WWOX: variants seen among roughly 807,000 people sequenced by gnomAD.
WWOX encodes the protein WW domain containing oxidoreductase.
A neutral mutation model predicts 46.2 loss-of-function variants in WWOX; 69 were observed. That is an observed-to-expected ratio of 1.49 (90% CI 1.23 to 1.82). The LOEUF (loss-of-function observed/expected upper bound fraction) is 1.82. WWOX is among the 40% of genes most tolerant of loss of function. The pLI, the probability that WWOX is intolerant of heterozygous loss-of-function variation, is 0.00. For missense variants in WWOX, 919 were observed against 542.6 expected (o/e 1.69, Z -6.89); for synonymous variants, 359 against 202.6 (o/e 1.77, Z -6.56).
At position 79,198,022 on chromosome 16, in the gene WWOX, C is replaced by G. The variant is rs74508769; in HGVS notation, c.1057-13586C>G. Reference sequence around the variant, plus strand: ...TGGTCATCTACCAAAATCTGAGGAACAAGAGCAGCTTTAGAAAATGGGCTG... The same window carrying G: ...TGGTCATCTACCAAAATCTGAGGAAGAAGAGCAGCTTTAGAAAATGGGCTG... On this transcript the variant is annotated intron_variant, in intron 8 of 8. Coordinates refer to ENST00000566780, the MANE Select transcript of WWOX (RefSeq NM_016373.4). Among the ~76,000 whole-genome samples, 4 of 152,210 alleles carry G rather than the reference C, an allele frequency of 2.6e-5. No individual in the cohort carries two copies. In the East Asian group the frequency reaches 7.7e-4, roughly 29 times the overall value.
At chr16:78,484,537 A>G (rs1381141291) in intron 8 of WWOX, among the ~76,000 whole-genome samples, 1 of 152,236 alleles carries the variant, frequency 6.6e-6, no homozygotes, top group Non-Finnish European at 1.5e-5. Context: ...GTTATCCACA[A>G]TTGACTTATA....
chr16:78,649,880 C>A (rs919916175), intron 8 of WWOX, among the ~76,000 whole-genome samples: 41 of 152,282 alleles, frequency 2.7e-4, no homozygotes, highest in African/African-American at 9.4e-4. Context: ...TGGTATAAGG[C>A]ACAGTAGTGG....
intron 5 of WWOX, among the ~76,000 whole-genome samples, chr16:78,320,093 A>G (rs2080435976): frequency 6.6e-6 from 1 of 152,198 alleles, no homozygotes; most frequent in South Asian, 2.1e-4. Flanking sequence ...AGTAGGCTGG[A>G]AACTGCATGA....
chr16:78,516,051 T>G (rs144171618), intron 8 of WWOX, among the ~76,000 whole-genome samples: 1,718 of 152,166 alleles, frequency 0.011, 16 homozygotes, highest in Middle Eastern at 0.037. Context: ...TCTCACAGAT[T>G]AAGAGAGTAG....
At chr16:78,402,740 G>A (rs2082442709) in intron 6 of WWOX, among the ~76,000 whole-genome samples, 1 of 152,188 alleles carries the variant, frequency 6.6e-6, no homozygotes, top group South Asian at 2.1e-4. Flanking sequence ...CTGATTCTAA[G>A]TTGGGTTCAA....
At chr16:78,865,510 A>G (rs12445635) in intron 8 of WWOX, among the ~76,000 whole-genome samples, 44,445 of 152,090 alleles carry the variant, frequency 0.29, 6,812 homozygotes, top group Middle Eastern at 0.48. Context: ...TTGCCACAAA[A>G]TAGCAATACA....
At chr16:79,048,607 A>C (rs1002699687) in intron 8 of WWOX, among the ~76,000 whole-genome samples, 18 of 152,266 alleles carry the variant, frequency 1.2e-4, no homozygotes, top group Admixed American at 7.2e-4. Flanking sequence ...TATGCTAAAG[A>C]ATGTGTTGTG....
chr16:78,694,124 C>G (rs940313072), intron 8 of WWOX, among the ~76,000 whole-genome samples: 2 of 152,066 alleles, frequency 1.3e-5, no homozygotes, highest in Non-Finnish European at 2.9e-5. Flanking sequence ...CCCAGCTACT[C>G]TGTAGGCTGA....
At chr16:78,876,659 G>C (rs1362507023) in intron 8 of WWOX, among the ~76,000 whole-genome samples, 1 of 151,964 alleles carries the variant, frequency 6.6e-6, no homozygotes. Context: ...CAGAAGTTCT[G>C]GCTATTAAAG....
intron 8 of WWOX, among the ~76,000 whole-genome samples, chr16:79,070,976 C>T (rs145032022): frequency 8.9e-4 from 136 of 152,262 alleles, no homozygotes; most frequent in African/African-American, 2.9e-3. Context: ...CCTCCCTACC[C>T]CCACATACTT....
At chr16:78,822,283 C>G (rs909771578) in intron 8 of WWOX, among the ~76,000 whole-genome samples, 1 of 152,136 alleles carries the variant, frequency 6.6e-6, no homozygotes, top group African/African-American at 2.4e-5. Context: ...CATCTGAGGT[C>G]AGGAGTTCAA....
intron 8 of WWOX, among the ~76,000 whole-genome samples, chr16:78,755,135 C>T (rs997609619): frequency 6.6e-6 from 1 of 150,684 alleles, no homozygotes; most frequent in Non-Finnish European, 1.5e-5. Context: ...TTGATAGGTG[C>T]AGCAAACCAC....
intron 8 of WWOX, among the ~76,000 whole-genome samples, chr16:78,524,342 A>G (rs2738744): frequency 0.61 from 92,080 of 152,040 alleles, 30,436 homozygotes; most frequent in Non-Finnish European, 0.73. Flanking sequence ...CTCCCTCTCC[A>G]TTAAAATGCA....
At chr16:78,152,044 G>T (rs988725731) in intron 4 of WWOX, among the ~76,000 whole-genome samples, 2 of 152,084 alleles carry the variant, frequency 1.3e-5, no homozygotes, top group African/African-American at 2.4e-5. Context: ...CAAAAAATTA[G>T]CCGGGTGTGG....
Position 78,777,277 on chromosome 16 carries a change from C to T in WWOX, c.1056+344525C>T, listed in dbSNP as rs138563521. 3.7e-3 allele frequency among the ~76,000 whole-genome samples: 559 copies of T among 152,200 alleles called. 6 individuals are homozygous for T. Among genetic ancestry groups the T allele is most frequent in the South Asian group, 0.019 (91 of 4,820 alleles). ...CTCTGTGCCTCTCAGGTGTCAATGCCATCCAACAGGAATTTGTACAAAGAA... is the reference window on the plus strand; with the variant it reads ...CTCTGTGCCTCTCAGGTGTCAATGCTATCCAACAGGAATTTGTACAAAGAA... On this transcript the variant is annotated intron_variant, in intron 8 of 8. Coordinates refer to ENST00000566780, the MANE Select transcript of WWOX (RefSeq NM_016373.4).
At chr16:78,433,599 A>G (rs1364385941) in intron 8 of WWOX, among the ~76,000 whole-genome samples, 1 of 152,128 alleles carries the variant, frequency 6.6e-6, no homozygotes, top group Non-Finnish European at 1.5e-5. Context: ...TTTTAGCGAT[A>G]TCACAGGCCT....
chr16:78,627,438 G>C (rs1349933877), intron 8 of WWOX, among the ~76,000 whole-genome samples: 2 of 152,186 alleles, frequency 1.3e-5, no homozygotes, highest in African/African-American at 4.8e-5. Context: ...GGGGTTTTCT[G>C]TGGCTGGTCT....
At chr16:79,006,498 G>C (rs932578424) in intron 8 of WWOX, among the ~76,000 whole-genome samples, 3 of 152,046 alleles carry the variant, frequency 2.0e-5, no homozygotes, top group Non-Finnish European at 4.4e-5. Flanking sequence ...CCCCTGATCT[G>C]AGTTACGCTT....
intron 8 of WWOX, among the ~76,000 whole-genome samples, chr16:78,440,710 C>T (rs912329433): frequency 1.3e-5 from 2 of 151,894 alleles, no homozygotes; most frequent in Non-Finnish European, 1.5e-5. Context: ...TCCGCGCCTC[C>T]CCAGTTCAAG....
Sources: gnomAD v4.1 joint callset for allele counts (sites outside exome capture counted in the v4.1 genomes callset) on GRCh38, gnomAD v4.1.1 for gene constraint, MANE v1.5 for transcripts, NCBI Gene and HGNC (gene_info 2026-07-23, HGNC 2026-07-21) for gene names.